Variants in RABGAP1L observed in about 807,000 individuals in gnomAD.
The protein encoded by RABGAP1L is RAB GTPase activating protein 1 like, also known as rab GTPase-activating protein 1-like.
Under a neutral mutation model 137.7 loss-of-function variants are expected in RABGAP1L, and 63 were observed. The ratio of observed to expected loss-of-function variants is 0.46; its 90% CI spans 0.37 to 0.56. The LOEUF (loss-of-function observed/expected upper bound fraction) is 0.56, where lower values mean the gene tolerates loss of function less well. Ranked by LOEUF, RABGAP1L falls within the 20% of genes least tolerant of loss-of-function variation. The pLI is 0.00. For synonymous variants in RABGAP1L, 431 were observed against 433.7 expected, an observed-to-expected ratio of 0.99 and a Z score of 0.08; for missense variants, 1,095 against 1,244.0, an observed-to-expected ratio of 0.88 and a Z score of 1.80.
intron 12 of RABGAP1L, among the ~76,000 whole-genome samples, chr1:174,389,878 A>G (rs1384330733): frequency 1.3e-5 from 2 of 152,162 alleles, no homozygotes; most frequent in Non-Finnish European, 2.9e-5. Context: ...ATGACTTTAA[A>G]AATAATTGTA....
At chr1:174,218,687 T>G (rs1313190750) in intron 1 of RABGAP1L, among the ~76,000 whole-genome samples, 1 of 151,542 alleles carries the variant, frequency 6.6e-6, no homozygotes, top group African/African-American at 2.4e-5. Context: ...AGGAGATAAG[T>G]TTTTTTTTGA....
In RABGAP1L at chr1:174,607,820, A is replaced by G. The variant is rs1670896732; in HGVS notation, c.1711-29555A>G. Among the ~76,000 whole-genome samples, 3 of 152,316 alleles carry G rather than the reference A, an allele frequency of 2.0e-5. 1 individual carries two copies. The South Asian group carries it at 6.2e-4, about 32-fold the overall frequency. ...TGAGTTGAATAAAGATTTAAGCAAA[A>G]TGTGTGTTTTAGAAACCTGTGTAAA... On this transcript the variant is annotated intron_variant, in intron 13 of 25. Coordinates refer to ENST00000681986, the MANE Select transcript of RABGAP1L (RefSeq NM_001366446.1).
intron 17 of RABGAP1L, among the ~76,000 whole-genome samples, chr1:174,710,120 G>T (rs552423484): frequency 1.3e-5 from 2 of 152,264 alleles, no homozygotes; most frequent in South Asian, 4.1e-4. Context: ...AGAGAACAAA[G>T]AATGAAAAGG....
intron 13 of RABGAP1L, among the ~76,000 whole-genome samples, chr1:174,478,988 A>G (rs932462335): frequency 4.6e-5 from 7 of 152,240 alleles, no homozygotes; most frequent in African/African-American, 7.2e-5. Flanking sequence ...TGTGTTTCAC[A>G]TGTTTGCCAC....
chr1:174,934,452 T>G (rs1236563910), intron 19 of RABGAP1L, among the ~76,000 whole-genome samples: 2 of 152,096 alleles, frequency 1.3e-5, no homozygotes, highest in South Asian at 4.1e-4. Flanking sequence ...GTTAATGAAC[T>G]GTTACTCTCC....
chr1:174,648,959 C>T (rs977598284), intron 14 of RABGAP1L, among the ~76,000 whole-genome samples: 1 of 151,996 alleles, frequency 6.6e-6, no homozygotes, highest in Admixed American at 6.6e-5. Context: ...ATGTAATGCC[C>T]ATCTTTGACT....
chr1:174,983,671 A>G (rs923389743), intron 24 of RABGAP1L, among the ~76,000 whole-genome samples: 5 of 152,224 alleles, frequency 3.3e-5, no homozygotes, highest in African/African-American at 9.6e-5. Flanking sequence ...TTTGTGTTCT[A>G]TAAAATGGAG....
chr1:174,589,422 T>C (rs1275611355), intron 13 of RABGAP1L, among the ~76,000 whole-genome samples: 3 of 152,214 alleles, frequency 2.0e-5, no homozygotes, highest in Non-Finnish European at 4.4e-5. Context: ...TCGTTGATCA[T>C]TTCCTTTGCT....
At chr1:174,981,932 A>G (rs972186892) in intron 23 of RABGAP1L, among the ~76,000 whole-genome samples, 18 of 152,092 alleles carry the variant, frequency 1.2e-4, no homozygotes, top group Non-Finnish European at 1.6e-4. Flanking sequence ...GCACTTTTCA[A>G]TCATGAGGAA....
chr1:174,980,798 C>T (rs1671032114), intron 23 of RABGAP1L, among the ~76,000 whole-genome samples: 1 of 152,064 alleles, frequency 6.6e-6, no homozygotes, highest in South Asian at 2.1e-4. Context: ...AAATGTGGAA[C>T]CAAGGAGACA....
intron 20 of RABGAP1L, chr1:174,957,955 A>C: frequency 6.4e-7 from 1 of 1,573,248 alleles, no homozygotes; most frequent in Middle Eastern, 1.7e-4. Context: ...AGAAGCTGAG[A>C]GAAAGAGAGG....
intron 18 of RABGAP1L, among the ~76,000 whole-genome samples, chr1:174,807,282 CAAG>C (rs1689402399): frequency 6.6e-6 from 1 of 151,872 alleles, no homozygotes; most frequent in African/African-American, 2.4e-5. Context: ...AATATGTAAT[CAAG>C]AAAAAGTTTA....
At chr1:174,202,046 A>G (rs1043192993) in intron 1 of RABGAP1L, among the ~76,000 whole-genome samples, 3 of 151,816 alleles carry the variant, frequency 2.0e-5, no homozygotes, top group Non-Finnish European at 4.4e-5. Flanking sequence ...AACCCAGTCT[A>G]TCATTGTTGG....
intron 19 of RABGAP1L, among the ~76,000 whole-genome samples, chr1:174,933,463 G>A (rs752237890): frequency 7.2e-5 from 11 of 152,080 alleles, no homozygotes; most frequent in Non-Finnish European, 1.0e-4. Context: ...CACTGTTTTC[G>A]TGGGTTTGGA....
intron 13 of RABGAP1L, among the ~76,000 whole-genome samples, chr1:174,460,591 G>C (rs1371040826): frequency 1.3e-5 from 2 of 152,074 alleles, no homozygotes; most frequent in Admixed American, 1.3e-4. Flanking sequence ...GAAGCAAACA[G>C]TGTGAAGGTA....
chr1:174,946,914 A>AT (rs1558267186), intron 19 of RABGAP1L, among the ~76,000 whole-genome samples: 16 of 45,626 alleles, frequency 3.5e-4, no homozygotes, highest in Non-Finnish European at 5.0e-4. Context: ...AAAAAAAAAA[A>AT]AAAATATATA....
intron 18 of RABGAP1L, among the ~76,000 whole-genome samples, chr1:174,807,317 A>G (rs377103853): frequency 2.5e-4 from 38 of 152,354 alleles, no homozygotes; most frequent in Non-Finnish European, 4.0e-4. Context: ...TGTAGACAAT[A>G]CACATACATA....
chr1:174,841,175 A>G (rs1693354543), intron 19 of RABGAP1L, among the ~76,000 whole-genome samples: 1 of 152,200 alleles, frequency 6.6e-6, no homozygotes, highest in Non-Finnish European at 1.5e-5. Flanking sequence ...GAGATTGTCA[A>G]GCTTTGTATC....
chr1:174,938,380 C>G (rs1665262089), intron 19 of RABGAP1L: 1 of 152,208 alleles, frequency 6.6e-6, no homozygotes, highest in African/African-American at 2.4e-5. Flanking sequence ...GATTCTTCCT[C>G]CCTCTCTTTC....
Sources: allele counts gnomAD v4.1 joint callset (sites outside exome capture counted in the v4.1 genomes callset), GRCh38; gene constraint gnomAD v4.1.1; transcripts MANE v1.5; gene names NCBI Gene and HGNC (gene_info 2026-07-23, HGNC 2026-07-21).